SYT7: variants seen among roughly 807,000 people sequenced by gnomAD.
The protein encoded by SYT7 is synaptotagmin 7.
Under a neutral mutation model 75.1 loss-of-function variants are expected in SYT7, and 29 were observed. The ratio of observed to expected loss-of-function variants is 0.39; its 90% CI spans 0.29 to 0.53. SYT7 has a LOEUF of 0.53. SYT7 is among the 20% of genes least tolerant of loss of function. SYT7 has a pLI of 0.77. For missense variants in SYT7, 693 were observed against 953.2 expected, an observed-to-expected ratio of 0.73 and a Z score of 3.59; for synonymous variants, 376 against 401.7, an observed-to-expected ratio of 0.94 and a Z score of 0.76.
Position 61,532,826 on chromosome 11 carries a change from C to T in SYT7, c.1200+163G>A, listed in dbSNP as rs371891348. Among the ~76,000 whole-genome samples, 9 of 152,288 alleles carry T rather than the reference C, an allele frequency of 5.9e-5. No homozygotes were observed. In the East Asian group the frequency reaches 1.5e-3, roughly 26 times the overall value. On this transcript the variant is annotated intron_variant, in intron 8 of 12. Coordinates refer to ENST00000539008, the MANE Select transcript of SYT7 (RefSeq NM_001365809.2). ...CCTTGGACGCTCAGTCACCAAGCGCCGAGTGGCCACCATGCTGGGCCTGGC... is the reference window on the plus strand; with the variant it reads ...CCTTGGACGCTCAGTCACCAAGCGCTGAGTGGCCACCATGCTGGGCCTGGC...
At chr11:61,546,000 G>C in intron 5 of SYT7, 31 bp downstream of exon 5, 1 of 1,524,700 alleles carries the variant, frequency 6.6e-7, no homozygotes, top group Non-Finnish European at 8.8e-7. Flanking sequence ...TGAGCTCATG[G>C]CTCCGGCAGC....
chr11:61,550,687 G>C (rs549874616), intron 3 of SYT7, among the ~76,000 whole-genome samples: 67 of 152,266 alleles, frequency 4.4e-4, no homozygotes, highest in African/African-American at 1.4e-3. Context: ...CAGGTGGCCT[G>C]AGTCCCCCGC....
chr11:61,585,338 C>T (rs2064364168), upstream of SYT7, among the ~76,000 whole-genome samples: 1 of 152,076 alleles, frequency 6.6e-6, no homozygotes, highest in Admixed American at 6.5e-5. Context: ...AGAACAAACA[C>T]ACCTCTCTCC....
intron 1 of SYT7, among the ~76,000 whole-genome samples, chr11:61,574,594 C>T (rs1014403108): frequency 1.3e-5 from 2 of 152,010 alleles, no homozygotes; most frequent in Non-Finnish European, 2.9e-5. Context: ...TTCCAAGGGT[C>T]CCTTGGCTGC....
At position 61,580,063 on chromosome 11, in the gene SYT7, C is replaced by T. The variant is rs2064205782; in HGVS notation, c.31+727G>A. ...AGACAGTGGGCTCCCAGGCCACTCCCCTGGCGGGCGAAGCAGAAGGCAAAG... is the reference window on the plus strand; with the variant it reads ...AGACAGTGGGCTCCCAGGCCACTCCTCTGGCGGGCGAAGCAGAAGGCAAAG... On this transcript the variant is annotated intron_variant, in intron 1 of 12. Coordinates refer to ENST00000539008, the MANE Select transcript of SYT7 (RefSeq NM_001365809.2). The surrounding 1 kb of genome is among the most constrained non-coding windows in gnomAD (Gnocchi z 6.1). Among the ~76,000 whole-genome samples the T allele has an allele frequency of 6.6e-6, 1 of 152,148 alleles. No homozygotes were observed. Among genetic ancestry groups the T allele is most frequent in the African/African-American group, 2.4e-5 (1 of 41,438 alleles).
chr11:61,523,740 G>T lies in SYT7; in HGVS notation c.1756+87C>A. 7.4e-7 allele frequency: 1 copy of T among 1,354,640 alleles called. No homozygotes were observed. The highest frequency in any genetic ancestry group is 1.3e-5 in the South Asian group (1 of 77,494). 83.9% of individuals were successfully genotyped at this position (1,354,640 alleles called of 1,614,324 possible). A position where few individuals can be genotyped will look rare whatever the true frequency, so the allele number is the denominator to read the frequency against. On this transcript the variant is annotated intron_variant, in intron 11 of 12. Transcript: ENST00000539008. This position sits in a 1 kb window ranked among gnomAD's most constrained non-coding sequence, Gnocchi z 5.0. ...GTGGCGGGTTGGGGTGAGGACCACT[G>T]CAGACCCTGCTCTCCACATCCGGTG...
At chr11:61,548,431 G>A (rs1242586839) in intron 3 of SYT7, among the ~76,000 whole-genome samples, 1 of 152,196 alleles carries the variant, frequency 6.6e-6, no homozygotes, top group African/African-American at 2.4e-5. Context: ...AACCCTGGGA[G>A]CCAAGGACAA....
chr11:61,582,256 C>T (rs898234569), upstream of SYT7, among the ~76,000 whole-genome samples: 1 of 152,208 alleles, frequency 6.6e-6, no homozygotes, highest in Non-Finnish European at 1.5e-5. Context: ...TCTGTGGCAG[C>T]ATCCTGCCCT....
chr11:61,551,396 T>C lies in SYT7; in HGVS notation c.203A>G (p.Lys68Arg), dbSNP rs770976284. 5.6e-6 allele frequency: 9 copies of C among 1,613,852 alleles called. No homozygotes were observed. The highest frequency in any genetic ancestry group is 6.8e-6 in the Non-Finnish European group (8 of 1,179,932). Residue 68 changes from lysine to arginine, a missense_variant, in exon 3 of 13, where the codon AAG (lysine) becomes AGG (arginine). This residue lies in a region of SYT7 where 487 missense variants were observed against 593.2 expected (regional missense o/e 0.82). Transcript: ENST00000539008. The surrounding 1 kb of genome is among the most constrained non-coding windows in gnomAD (Gnocchi z 5.3). ...TPDSGRGRSE[K>R]KAINDLDRDF... The stretch of plus-strand genomic sequence containing the variant: ...GCCTGGCACCTACTTGATAGCCTTC[T>C]TCTCACTGCGCCCACGCCCTGAGTC...
At chr11:61,584,115 C>T (rs145471418), upstream of SYT7, among the ~76,000 whole-genome samples, 423 of 152,176 alleles carry the variant, frequency 2.8e-3, 2 homozygotes, top group South Asian at 5.0e-3. Context: ...GGGGACTGGG[C>T]GCGGTGGCTC....
upstream of SYT7, among the ~76,000 whole-genome samples, chr11:61,581,942 A>G (rs2064284864): frequency 6.6e-6 from 1 of 152,072 alleles, no homozygotes; most frequent in African/African-American, 2.4e-5. Context: ...TCATTTCTCT[A>G]CAGAATTTGG....
In SYT7 at chr11:61,542,136, G is replaced by T; in HGVS notation, c.941+75C>A. On this transcript the variant is annotated intron_variant, in intron 6 of 12. Coordinates refer to ENST00000539008, the MANE Select transcript of SYT7 (RefSeq NM_001365809.2). This position sits in a 1 kb window ranked among gnomAD's most constrained non-coding sequence, Gnocchi z 7.8. ...GGCCGGGAGGTACACACAACCAGCTGCTCCCAAGGAGATCTGGGGGGCAGG... is the reference window on the plus strand; with the variant it reads ...GGCCGGGAGGTACACACAACCAGCTTCTCCCAAGGAGATCTGGGGGGCAGG... 1 of 1,476,616 alleles carries T rather than the reference G, an allele frequency of 6.8e-7. No homozygotes were observed. Among genetic ancestry groups the T allele is most frequent in the Non-Finnish European group, 8.9e-7 (1 of 1,118,606 alleles). 91.5% of individuals were successfully genotyped at this position (1,476,616 alleles called of 1,614,324 possible).
At chr11:61,532,914 C>A in intron 8 of SYT7, 75 bp downstream of exon 8, 1 of 1,585,278 alleles carries the variant, frequency 6.3e-7, no homozygotes, top group Non-Finnish European at 8.6e-7. Flanking sequence ...ATCATTCCCA[C>A]ACACATCCCT....
upstream of SYT7, among the ~76,000 whole-genome samples, chr11:61,582,049 C>A (rs993158171): frequency 6.6e-6 from 1 of 151,932 alleles, no homozygotes; most frequent in Non-Finnish European, 1.5e-5. Context: ...GGCACAGAGA[C>A]CTCCCTGCAC....
intron 7 of SYT7, among the ~76,000 whole-genome samples, chr11:61,534,412 C>A (rs762159321): frequency 7.0e-6 from 1 of 142,244 alleles, no homozygotes; most frequent in African/African-American, 3.0e-5. Context: ...TACACACGCA[C>A]GCACACATGC....
intron 4 of SYT7, 75 bp downstream of exon 4, chr11:61,547,102 G>A (rs2063213927): frequency 2.7e-6 from 4 of 1,490,224 alleles, no homozygotes; most frequent in Admixed American, 2.0e-5. Flanking sequence ...CCAGAGGTGG[G>A]TGGGGGCAGG....
At chr11:61,535,232 G>T (rs7936573) in intron 7 of SYT7, among the ~76,000 whole-genome samples, 18,647 of 152,240 alleles carry the variant, frequency 0.12, 3,105 homozygotes, top group African/African-American at 0.38. Flanking sequence ...GTCAGAGACG[G>T]GCGAAGGCTG....
At chr11:61,528,221 G>A in intron 8 of SYT7, 36 bp from the exon 9 acceptor site, 1 of 1,599,212 alleles carries the variant, frequency 6.3e-7, no homozygotes, top group African/African-American at 1.3e-5. Context: ...GGTTTGGGGA[G>A]GATTCTGCTT....
intron 1 of SYT7, among the ~76,000 whole-genome samples, chr11:61,574,013 G>A (rs1037923525): frequency 2.0e-5 from 3 of 152,210 alleles, no homozygotes; most frequent in Non-Finnish European, 4.4e-5. Flanking sequence ...CACACAACAT[G>A]TCTCTGCTAT....
Sources: allele counts gnomAD v4.1 joint callset (sites outside exome capture counted in the v4.1 genomes callset), GRCh38; gene constraint gnomAD v4.1.1; regional missense constraint gnomAD v4.1.1; non-coding constraint Gnocchi (gnomAD v3.1); transcripts MANE v1.5; gene names NCBI Gene and HGNC (gene_info 2026-07-23, HGNC 2026-07-21).